RANBP2: variants seen among roughly 807,000 people sequenced by gnomAD.
RANBP2 encodes RAN binding protein 2.
A neutral mutation model predicts 303.6 loss-of-function variants in RANBP2; 57 were observed. The ratio of observed to expected loss-of-function variants is 0.19; its 90% CI spans 0.15 to 0.23. The LOEUF is 0.23. Ranked by LOEUF, RANBP2 falls within the 10% of genes least tolerant of loss-of-function variation. The pLI is 1.00. For synonymous variants in RANBP2, 1,167 were observed against 1,301.5 expected (o/e 0.90, Z 2.23); for missense variants, 3,138 against 3,780.8 (o/e 0.83, Z 4.46).
At chr2:109,395,168 G>A in the RANBP2 span, among the ~76,000 whole-genome samples, 1,107 of 152,364 alleles carry the variant, frequency 7.3e-3, 13 homozygotes, top group East Asian at 0.052. Context: ...GCCAGTGCGT[G>A]CGCTACTCGC....
At chr2:109,151,597 G>A in the RANBP2 span, among the ~76,000 whole-genome samples, 10 of 152,176 alleles carry the variant, frequency 6.6e-5, no homozygotes, top group African/African-American at 2.2e-4. Flanking sequence ...TTATTAATTT[G>A]CATCCTTTCA....
At chr2:109,377,479 CTG>C in the RANBP2 span, among the ~76,000 whole-genome samples, 2 of 152,166 alleles carry the variant, frequency 1.3e-5, no homozygotes, top group Non-Finnish European at 2.9e-5. Context: ...GATTCAGACT[CTG>C]TGACGCCAGA....
Position 108,763,388 on chromosome 2 carries a change from C to T in RANBP2, c.2849C>T (p.Ala950Val). ...CCTGCATTGCGTTTTGAGTCTCCTG[C>T]AACGGGAATTCTATCGCCCAGGGGT... The part of the protein sequence containing the change: ...GPPALRFESP[A>V]TGILSPRGDD... The change falls in exon 20 of 29, where the codon GCA becomes GTA. Residue 950 changes from alanine to valine, a missense_variant. Ala to Val is a moderately conservative substitution (Grantham distance 64). Transcript: ENST00000283195. The T allele has an allele frequency of 6.2e-7, 1 of 1,613,952 alleles. No individual in the cohort carries two copies. Among genetic ancestry groups the T allele is most frequent in the Non-Finnish European group, 8.5e-7 (1 of 1,179,952 alleles).
chr2:108,830,534 G>T, the RANBP2 span, among the ~76,000 whole-genome samples: 1 of 151,968 alleles, frequency 6.6e-6, no homozygotes, highest in South Asian at 2.1e-4. Context: ...GAAACCAAAG[G>T]CATGGCTCAC....
At chr2:109,074,955 G>T in the RANBP2 span, among the ~76,000 whole-genome samples, 1 of 139,714 alleles carries the variant, frequency 7.2e-6, no homozygotes, top group Admixed American at 7.4e-5. Flanking sequence ...GGATCCGGGA[G>T]GTGGAGATTG....
the RANBP2 span, chr2:109,615,231 G>A: frequency 1.3e-6 from 2 of 1,546,306 alleles, no homozygotes; most frequent in Non-Finnish European, 1.7e-6. Flanking sequence ...CGCATCGGTG[G>A]CCTCGTCGTC....
intron 26 of RANBP2, 68 bp from the exon 27 acceptor site, chr2:108,782,060 A>G (rs1375455365): frequency 1.9e-6 from 3 of 1,565,794 alleles, no homozygotes; most frequent in Admixed American, 3.7e-5. Context: ...AAGAATTTGG[A>G]TCTTTGAAAT....
In RANBP2 at chr2:108,730,859, A is replaced by C; in HGVS notation, c.226A>C (p.Thr76Pro). ...LGLLYELEEN[T>P]DKAVECYRRS... is the part of the protein sequence containing the mutation. ...TCTTCTTTATGAATTGGAAGAAAAC[A>C]CAGACAAAGCCGTTGAATGTTACAG... is the stretch of plus-strand genomic sequence containing the variant. Residue 76 changes from threonine (T) to proline (P), a missense_variant, in exon 3 of 29, where the codon ACA (threonine) becomes CCA (proline). Thr to Pro is a conservative substitution (Grantham distance 38, BLOSUM62 -1). Around this residue, in one of 20 missense-constraint regions of RANBP2, gnomAD observed 306 missense variants for 381.9 expected, o/e 0.80. Coordinates refer to ENST00000283195, the MANE Select transcript of RANBP2 (RefSeq NM_006267.5). 6.2e-7 allele frequency: 1 copy of C among 1,611,706 alleles called. No individual in the cohort carries two copies. The highest frequency in any genetic ancestry group is 1.1e-5 in the South Asian group (1 of 90,984).
At chr2:109,426,893 G>T in the RANBP2 span, among the ~76,000 whole-genome samples, 1 of 151,952 alleles carries the variant, frequency 6.6e-6, no homozygotes, top group African/African-American at 2.4e-5. Flanking sequence ...ATCAAGACAA[G>T]ACCCTCTACC....
chr2:108,942,686 C>T, the RANBP2 span, among the ~76,000 whole-genome samples: 2 of 152,244 alleles, frequency 1.3e-5, no homozygotes, highest in Admixed American at 6.5e-5. Context: ...GCGGTTCCAG[C>T]GCGTTCCTGT....
chr2:109,224,902 T>C, the RANBP2 span, among the ~76,000 whole-genome samples: 1 of 152,172 alleles, frequency 6.6e-6, no homozygotes, highest in South Asian at 2.1e-4. Context: ...AAACTGAAAT[T>C]TAAATAATTA....
the RANBP2 span, among the ~76,000 whole-genome samples, chr2:108,947,081 G>T: frequency 6.6e-6 from 1 of 152,210 alleles, no homozygotes; most frequent in South Asian, 2.1e-4. Flanking sequence ...CAGCCATTGA[G>T]TTTCCATTCC....
the RANBP2 span, among the ~76,000 whole-genome samples, chr2:109,071,737 G>A: frequency 1.3e-5 from 2 of 152,012 alleles, no homozygotes; most frequent in African/African-American, 4.8e-5. Context: ...CTTGAGTTTC[G>A]GGGTGAGGGC....
At chr2:108,980,904 C>G in the RANBP2 span, among the ~76,000 whole-genome samples, 2 of 152,050 alleles carry the variant, frequency 1.3e-5, no homozygotes, top group African/African-American at 4.8e-5. Context: ...ACTGCAGGGT[C>G]CTCATGGTGT....
chr2:109,457,331 T>C, the RANBP2 span, among the ~76,000 whole-genome samples: 4 of 152,376 alleles, frequency 2.6e-5, no homozygotes, highest in African/African-American at 7.2e-5. Context: ...AATTTTGTTA[T>C]ATGAACAATG....
chr2:109,327,031 T>C, the RANBP2 span, among the ~76,000 whole-genome samples: 2 of 152,250 alleles, frequency 1.3e-5, no homozygotes, highest in African/African-American at 2.4e-5. Context: ...TTTTCCTTCG[T>C]ATTTAATGTC....
the RANBP2 span, among the ~76,000 whole-genome samples, chr2:109,221,007 C>T: frequency 1.1e-4 from 17 of 152,234 alleles, no homozygotes; most frequent in Non-Finnish European, 2.1e-4. Context: ...AGCCAAATGT[C>T]CACTGACAGA....
At chr2:108,913,870 A>G in the RANBP2 span, among the ~76,000 whole-genome samples, 10 of 148,474 alleles carry the variant, frequency 6.7e-5, no homozygotes, top group South Asian at 1.3e-3. Flanking sequence ...GAATGGCGTG[A>G]ACCCAGGAGG....
chr2:109,666,132 TAA>T, the RANBP2 span, among the ~76,000 whole-genome samples: 154 of 138,850 alleles, frequency 1.1e-3, 1 homozygote, highest in African/African-American at 1.4e-3. Flanking sequence ...AACAAAAAAC[TAA>T]AAAAAAAAAA....
Sources: allele counts gnomAD v4.1 joint callset (sites outside exome capture counted in the v4.1 genomes callset), GRCh38; gene constraint gnomAD v4.1.1; regional missense constraint gnomAD v4.1.1; transcripts MANE v1.5; gene names NCBI Gene and HGNC (gene_info 2026-07-23, HGNC 2026-07-21).